DAB1: variants seen among roughly 807,000 people sequenced by gnomAD.
DAB1 encodes the protein DAB adaptor protein 1, also known as disabled homolog 1.
A neutral mutation model predicts 64.6 loss-of-function variants in DAB1; 15 were observed. The observed-to-expected ratio is 0.23, with a 90% CI of 0.16 to 0.36. DAB1 has a LOEUF of 0.36. DAB1 is among the 10% of genes least tolerant of loss of function. The pLI is 1.00. For missense variants in DAB1, 596 were observed against 706.7 expected, an observed-to-expected ratio of 0.84 and a Z score of 1.78; for synonymous variants, 235 against 251.9, an observed-to-expected ratio of 0.93 and a Z score of 0.64.
chr1:57,638,279 CAAT>C (rs1444666732), intron 7 of DAB1, among the ~76,000 whole-genome samples: 2 of 152,128 alleles, frequency 1.3e-5, no homozygotes, highest in Non-Finnish European at 1.5e-5. Flanking sequence ...TTAATAAAAA[CAAT>C]AAATCATGTG....
chr1:57,288,432 T>C (rs1672505673), intron 2 of DAB1, among the ~76,000 whole-genome samples: 1 of 152,138 alleles, frequency 6.6e-6, no homozygotes, highest in South Asian at 2.1e-4. Flanking sequence ...ATGGGGCCTT[T>C]GGAAGGTAAT....
At chr1:57,298,174 T>G (rs911781179) in intron 1 of DAB1, among the ~76,000 whole-genome samples, 1 of 152,170 alleles carries the variant, frequency 6.6e-6, no homozygotes, top group Non-Finnish European at 1.5e-5. Context: ...ACCATGGCAA[T>G]TTGGAAAAGG....
At chr1:58,351,377 A>G (rs1421812960) in intron 3 of DAB1, among the ~76,000 whole-genome samples, 1 of 152,170 alleles carries the variant, frequency 6.6e-6, no homozygotes, top group Non-Finnish European at 1.5e-5. Context: ...AGGCTCAAAT[A>G]TCTCATGTCC....
At chr1:57,267,931 G>C (rs1408390366) in intron 2 of DAB1, among the ~76,000 whole-genome samples, 1 of 152,124 alleles carries the variant, frequency 6.6e-6, no homozygotes, top group Admixed American at 6.6e-5. Flanking sequence ...ATAAGAGTTG[G>C]TTCTAAACCA....
Position 57,402,861 on chromosome 1 carries a change from C to T in DAB1, c.-137+21069G>A, listed in dbSNP as rs550767720. On this transcript the variant is annotated intron_variant, in intron 1 of 14. Transcript: ENST00000371236. ...CCTTCCTCTGAATAAAAGAATGGTC[C>T]CATTAAATGATAGAAGCCTGCTATG... Among the ~76,000 whole-genome samples, 3 of 152,096 alleles carry T rather than the reference C, an allele frequency of 2.0e-5. No individual in the cohort carries two copies. The South Asian group carries it at 6.2e-4, about 32-fold the overall frequency.
At chr1:57,132,508 A>G (rs1657727089) in intron 4 of DAB1, among the ~76,000 whole-genome samples, 1 of 152,172 alleles carries the variant, frequency 6.6e-6, no homozygotes. Context: ...TCTGAAACCT[A>G]AAATTCTCCC....
chr1:58,370,383 G>A (rs1410725964), intron 3 of DAB1, among the ~76,000 whole-genome samples: 5 of 73,896 alleles, frequency 6.8e-5, no homozygotes, highest in African/African-American at 6.2e-4. Context: ...GCGTGTGTGT[G>A]TGTGTGTGTG....
At chr1:58,224,570 C>G (rs1659357503) in intron 4 of DAB1, among the ~76,000 whole-genome samples, 1 of 152,076 alleles carries the variant, frequency 6.6e-6, no homozygotes, top group Non-Finnish European at 1.5e-5. Context: ...AGTGGGGACA[C>G]CAAGAAATGC....
chr1:57,971,279 C>A (rs768090760), intron 5 of DAB1, among the ~76,000 whole-genome samples: 3 of 152,214 alleles, frequency 2.0e-5, no homozygotes, highest in Non-Finnish European at 2.9e-5. Context: ...TGCTTTCCTG[C>A]ACACTGCCTG....
At chr1:58,530,538 C>G (rs1394939171) in intron 1 of DAB1, 6 of 789,318 alleles carry the variant, frequency 7.6e-6, no homozygotes, top group Admixed American at 4.1e-5. Context: ...TGCTGCTTTA[C>G]AGTAGTATTA....
intron 3 of DAB1, among the ~76,000 whole-genome samples, chr1:58,388,584 C>T (rs1309680546): frequency 2.6e-5 from 4 of 152,220 alleles, no homozygotes; most frequent in African/African-American, 9.6e-5. Context: ...TTTGCTCAAG[C>T]ATTTGCACTA....
chr1:57,060,518 C>T (rs1650282076), intron 9 of DAB1, among the ~76,000 whole-genome samples: 1 of 152,102 alleles, frequency 6.6e-6, no homozygotes, highest in Non-Finnish European at 1.5e-5. Flanking sequence ...AGGCCATGGG[C>T]TTGCATCTGG....
chr1:57,066,176 C>A (rs921866248), intron 8 of DAB1, among the ~76,000 whole-genome samples: 3 of 152,022 alleles, frequency 2.0e-5, no homozygotes, highest in African/African-American at 7.3e-5. Flanking sequence ...AATGAATGAA[C>A]TTGGAAAATG....
intron 7 of DAB1, among the ~76,000 whole-genome samples, chr1:57,520,656 A>G (rs1351219308): frequency 6.6e-6 from 1 of 152,108 alleles, no homozygotes; most frequent in Non-Finnish European, 1.5e-5. Context: ...GCCTTGATAA[A>G]CTTAGTTTTT....
chr1:57,372,338 C>T (rs964076851), intron 1 of DAB1, among the ~76,000 whole-genome samples: 1 of 152,166 alleles, frequency 6.6e-6, no homozygotes, highest in Non-Finnish European at 1.5e-5. Context: ...GACCTTACAT[C>T]TTCCAGTTAC....
intron 5 of DAB1, among the ~76,000 whole-genome samples, chr1:58,102,767 A>G (rs956102797): frequency 6.6e-6 from 1 of 152,250 alleles, no homozygotes; most frequent in Non-Finnish European, 1.5e-5. Flanking sequence ...CTTGGTAAGT[A>G]TCATTCAAAG....
intron 6 of DAB1, among the ~76,000 whole-genome samples, chr1:57,730,316 G>A (rs1647355517): frequency 6.6e-6 from 1 of 152,200 alleles, no homozygotes; most frequent in Non-Finnish European, 1.5e-5. Context: ...CTGTAAAACT[G>A]TGGAGCAGGA....
chr1:57,053,572 A>T (rs1649405479), intron 9 of DAB1, among the ~76,000 whole-genome samples: 2 of 150,314 alleles, frequency 1.3e-5, no homozygotes, highest in Admixed American at 6.7e-5. Flanking sequence ...AAGGAAATTA[A>T]TGTCAAATCC....
In DAB1 at chr1:58,498,740, AATAAAATCTCAGAGATGTGTTCATTTTAT is replaced by A. The variant is rs1328755028; in HGVS notation, n.257+7291_257+7319del. Among the ~76,000 whole-genome samples the A allele has an allele frequency of 3.9e-5, 6 of 152,198 alleles. No homozygotes were observed. The East Asian group carries it at 9.6e-4, about 24-fold the overall frequency. Reference sequence around the variant, plus strand: ...TACAGTTTCCCTCATTAATGAGTTAAATAAAATCTCAGAGATGTGTTCATTTTATATTTGAATGATTCATGATTTCATCT... The same window carrying A: ...TACAGTTTCCCTCATTAATGAGTTAAATTTGAATGATTCATGATTTCATCT... On this transcript the variant is annotated intron_variant and non_coding_transcript_variant, in intron 3 of 20. Transcript: ENST00000485760.
Sources: gnomAD v4.1 joint callset for allele counts (sites outside exome capture counted in the v4.1 genomes callset) on GRCh38, gnomAD v4.1.1 for gene constraint, MANE v1.5 for transcripts, NCBI Gene and HGNC (gene_info 2026-07-23, HGNC 2026-07-21) for gene names.